Variants in LCOR observed in about 807,000 individuals in gnomAD.
LCOR encodes ligand-dependent corepressor.
A neutral mutation model predicts 64.4 loss-of-function variants in LCOR; 14 were observed. The observed-to-expected ratio is 0.22, with a 90% CI of 0.14 to 0.34. The LOEUF (loss-of-function observed/expected upper bound fraction) is 0.34, where lower values mean the gene tolerates loss of function less well. LCOR is among the 10% of genes least tolerant of loss of function. The pLI is 1.00. For synonymous variants in LCOR, 643 were observed against 642.5 expected (o/e 1.00, Z -0.01); for missense variants, 1,686 against 1,765.3 (o/e 0.96, Z 0.80).
At chr10:96,927,187 C>T (rs534568588) in intron 4 of LCOR, among the ~76,000 whole-genome samples, 15 of 152,224 alleles carry the variant, frequency 9.9e-5, no homozygotes, top group African/African-American at 3.4e-4. Flanking sequence ...TATCATCAGT[C>T]TTTTTAACAT....
chr10:96,927,725 C>G (rs1847193024), intron 4 of LCOR, among the ~76,000 whole-genome samples: 2 of 152,050 alleles, frequency 1.3e-5, no homozygotes, highest in African/African-American at 4.8e-5. Flanking sequence ...TGTCTTTTGC[C>G]ACATTGAATT....
At chr10:96,949,327 T>TA in intron 6 of LCOR, 32 bp downstream of exon 6, 1 of 1,596,650 alleles carries the variant, frequency 6.3e-7, no homozygotes, top group Non-Finnish European at 8.6e-7. Flanking sequence ...TCCTCTATCT[T>TA]ATCAGAATAC....
At position 96,983,306 on chromosome 10, in the gene LCOR, A is replaced by G. The variant is rs1459433133; in HGVS notation, c.2846A>G (p.Tyr949Cys). Residue 949 changes from tyrosine (Y) to cysteine (C), a missense_variant, in exon 8 of 8, where the codon TAT becomes TGT. Transcript: ENST00000421806. This position sits in a 1 kb window ranked among gnomAD's most constrained non-coding sequence, Gnocchi z 4.5. ...CTGCCTGGAGAGAGATTGGAAATCT[A>G]TGTTCAGTCTAAAATGGATGAGAAG... ...QPLPGERLEIYVQSKMDEKNA... is the reference protein window; with the variant it reads ...QPLPGERLEICVQSKMDEKNA... 2 of 1,614,236 alleles carry G rather than the reference A, an allele frequency of 1.2e-6. No homozygotes were observed. The highest frequency in any genetic ancestry group is 2.2e-5 in the South Asian group (2 of 91,090).
At chr10:96,975,430 A>T (rs949262502) in intron 7 of LCOR, among the ~76,000 whole-genome samples, 6 of 151,956 alleles carry the variant, frequency 3.9e-5, no homozygotes, top group African/African-American at 1.5e-4. Context: ...CAGGTTCAGA[A>T]TCATGTAAAT....
chr10:96,929,002 C>T (rs913355115), intron 4 of LCOR, among the ~76,000 whole-genome samples: 4 of 152,108 alleles, frequency 2.6e-5, no homozygotes, highest in African/African-American at 7.2e-5. Flanking sequence ...ATTCAGTAAA[C>T]CATAATATAA....
At chr10:96,979,047 A>G (rs1387507509) in intron 7 of LCOR, among the ~76,000 whole-genome samples, 1 of 152,216 alleles carries the variant, frequency 6.6e-6, no homozygotes, top group Non-Finnish European at 1.5e-5. Context: ...TCCACAGCCT[A>G]TGCTCTTTTC....
At chr10:96,856,562 G>A (rs1242784939) in intron 2 of LCOR, among the ~76,000 whole-genome samples, 5 of 150,796 alleles carry the variant, frequency 3.3e-5, no homozygotes, top group Non-Finnish European at 7.4e-5. Context: ...ACAGGGTCTT[G>A]CTCTGTCACC....
intron 7 of LCOR, among the ~76,000 whole-genome samples, chr10:96,978,383 C>T (rs918352832): frequency 6.6e-6 from 1 of 152,244 alleles, no homozygotes; most frequent in African/African-American, 2.4e-5. Context: ...ACTAAGTCCA[C>T]TTTACAGATA....
At chr10:96,871,071 A>T (rs1219464718) in intron 2 of LCOR, among the ~76,000 whole-genome samples, 2 of 152,104 alleles carry the variant, frequency 1.3e-5, no homozygotes, top group Non-Finnish European at 2.9e-5. Context: ...GTGTGTATAT[A>T]TAAGAGACAG....
intron 4 of LCOR, among the ~76,000 whole-genome samples, chr10:96,936,100 A>G (rs1032121027): frequency 6.6e-6 from 1 of 152,276 alleles, no homozygotes; most frequent in Non-Finnish European, 1.5e-5. Context: ...AGAATAAGAG[A>G]CAGCTAAGAG....
At chr10:96,847,832 G>A (rs1233833945) in intron 2 of LCOR, among the ~76,000 whole-genome samples, 2 of 152,184 alleles carry the variant, frequency 1.3e-5, no homozygotes, top group African/African-American at 4.8e-5. Flanking sequence ...ATGGAGAAGA[G>A]TGTTCTGTAG....
At chr10:96,961,082 C>T (rs1342268798) in intron 7 of LCOR, 1 of 151,994 alleles carries the variant, frequency 6.6e-6, no homozygotes, top group East Asian at 1.9e-4. Context: ...ATGTAGACTT[C>T]TGAGAAGAGG....
intron 5 of LCOR, 41 bp downstream of exon 5, chr10:96,944,286 T>C (rs1046272453): frequency 5.0e-5 from 48 of 957,720 alleles, no homozygotes; most frequent in Non-Finnish European, 5.5e-5. Flanking sequence ...CTGCTTGTCT[T>C]GTATTATTGA....
chr10:96,894,221 A>T (rs1254185159), intron 2 of LCOR, among the ~76,000 whole-genome samples: 1 of 152,188 alleles, frequency 6.6e-6, no homozygotes, highest in African/African-American at 2.4e-5. Flanking sequence ...CCTCCCGAGC[A>T]GCTGGGACTA....
intron 7 of LCOR, chr10:96,957,871 C>T: frequency 1.0e-6 from 1 of 986,068 alleles, no homozygotes; most frequent in Non-Finnish European, 1.2e-6. Context: ...GAGCCTGTTT[C>T]CTCTTAGCTT....
At chr10:96,941,331 G>T (rs1589670986) in intron 4 of LCOR, among the ~76,000 whole-genome samples, 1 of 135,066 alleles carries the variant, frequency 7.4e-6, no homozygotes, top group Non-Finnish European at 1.6e-5. Flanking sequence ...TGGCCGGGCA[G>T]AGGAGTCCTC....
chr10:96,950,258 T>C (rs1847654395), intron 6 of LCOR, among the ~76,000 whole-genome samples: 1 of 152,180 alleles, frequency 6.6e-6, no homozygotes, highest in African/African-American at 2.4e-5. Context: ...GAAATGAACT[T>C]TCTTTTGAGT....
In LCOR at chr10:96,911,092, C is replaced by CT. The variant is rs1388892910; in HGVS notation, c.-184+3345_-184+3346insT. 3.5e-5 allele frequency among the ~76,000 whole-genome samples: 5 copies of CT among 141,456 alleles called. No homozygotes were observed. The East Asian group carries it at 1.0e-3, about 29-fold the overall frequency. 92.8% of individuals were successfully genotyped at this position (141,456 alleles called of 152,430 possible). ...ATGTGCCAGTTATTTTTACATGTTCCCTTTTTTTTTTTTTTTTTTTTTTGA... is the reference window on the plus strand; with the variant it reads ...ATGTGCCAGTTATTTTTACATGTTCCTCTTTTTTTTTTTTTTTTTTTTTTGA... On this transcript the variant is annotated intron_variant, in intron 4 of 7. Coordinates refer to ENST00000421806, the MANE Select transcript of LCOR (RefSeq NM_001346516.2).
At position 96,981,977 on chromosome 10, in the gene LCOR, T is replaced by C; in HGVS notation, c.1517T>C (p.Phe506Ser). The change falls in exon 8 of 8, where the codon TTC (phenylalanine) becomes TCC (serine). Residue 506 changes from phenylalanine to serine, a missense_variant. This residue lies in a region of LCOR where 1,293 missense variants were observed against 1,410.4 expected (regional missense o/e 0.92). Coordinates refer to ENST00000421806, the MANE Select transcript of LCOR (RefSeq NM_001346516.2). ...AGAAAGAGTACTCGAGGATACTTTT[T>C]CAATGGTGACTGTTGTGAGCTGCCA... is the stretch of plus-strand genomic sequence containing the variant. Reference protein sequence around the residue: ...TARKSTRGYFFNGDCCELPTV... With the variant: ...TARKSTRGYFSNGDCCELPTV... 1 of 1,614,068 alleles carries C rather than the reference T, an allele frequency of 6.2e-7. No individual in the cohort carries two copies. Among genetic ancestry groups the C allele is most frequent in the Non-Finnish European group, 8.5e-7 (1 of 1,180,020 alleles).
Sources: allele counts gnomAD v4.1 joint callset (sites outside exome capture counted in the v4.1 genomes callset), GRCh38; gene constraint gnomAD v4.1.1; regional missense constraint gnomAD v4.1.1; non-coding constraint Gnocchi (gnomAD v3.1); transcripts MANE v1.5; gene names NCBI Gene and HGNC (gene_info 2026-07-23, HGNC 2026-07-21).